Variants in MYO1E observed in about 807,000 individuals in gnomAD.
MYO1E encodes myosin IE, also known as unconventional myosin-Ie.
In MYO1E, 68 loss-of-function variants were observed where a neutral mutation model predicts 151.1. The observed-to-expected ratio is 0.45, with a 90% confidence interval of 0.37 to 0.55. The LOEUF is 0.55. Among genes scored for constraint, MYO1E ranks in the 20% least tolerant of loss-of-function variants. The pLI is 0.00. For synonymous variants in MYO1E, 601 were observed against 501.7 expected, an observed-to-expected ratio of 1.20 and a Z score of -2.64; for missense variants, 1,363 against 1,389.3, an observed-to-expected ratio of 0.98 and a Z score of 0.30.
intron 4 of MYO1E, among the ~76,000 whole-genome samples, chr15:59,244,773 A>G (rs1219369215): frequency 6.6e-6 from 1 of 152,222 alleles, no homozygotes; most frequent in Non-Finnish European, 1.5e-5. Flanking sequence ...GGACAGCAAT[A>G]CCTAGTTTGC....
chr15:59,271,564 T>C lies in MYO1E; in HGVS notation c.147+742A>G, dbSNP rs979253236. The stretch of plus-strand genomic sequence containing the variant: ...AAATATCACAGTTCCCTGTTGATAA[T>C]GAAGTCAACCCATATTTGAATCAAA... On this transcript the variant is annotated intron_variant, in intron 2 of 27. Transcript: ENST00000288235. Among the ~76,000 whole-genome samples the C allele has an allele frequency of 3.9e-5, 6 of 152,354 alleles. No individual in the cohort carries two copies. In the South Asian group the frequency reaches 1.0e-3, roughly 26 times the overall value.
At chr15:59,322,536 G>A (rs2080633483) in intron 1 of MYO1E, among the ~76,000 whole-genome samples, 1 of 152,204 alleles carries the variant, frequency 6.6e-6, no homozygotes, top group African/African-American at 2.4e-5. Flanking sequence ...TGAGTGTTTA[G>A]TCAAGTGTTT....
At chr15:59,141,975 C>T (rs1013693363) in intron 26 of MYO1E, among the ~76,000 whole-genome samples, 5 of 147,602 alleles carry the variant, frequency 3.4e-5, no homozygotes, top group Admixed American at 1.3e-4. Context: ...GGCGTGGTGG[C>T]GGGCGCTTGT....
chr15:59,151,386 C>T (rs1261956298), intron 26 of MYO1E, among the ~76,000 whole-genome samples: 2 of 152,094 alleles, frequency 1.3e-5, no homozygotes, highest in Admixed American at 1.3e-4. Context: ...GCTGAGATTG[C>T]ACCACTGCAC....
chr15:59,307,322 C>T (rs1166638178), intron 1 of MYO1E, among the ~76,000 whole-genome samples: 2 of 152,106 alleles, frequency 1.3e-5, no homozygotes, highest in East Asian at 1.9e-4. Flanking sequence ...ACCCTGGGCC[C>T]GGGGAGGATG....
At chr15:59,319,694 A>G (rs2080613935) in intron 1 of MYO1E, among the ~76,000 whole-genome samples, 1 of 151,342 alleles carries the variant, frequency 6.6e-6, no homozygotes, top group Admixed American at 6.6e-5. Flanking sequence ...ACCTGAGGTC[A>G]GGAGTTTGAG....
intron 4 of MYO1E, among the ~76,000 whole-genome samples, chr15:59,237,997 C>T (rs1189956738): frequency 6.6e-6 from 1 of 152,158 alleles, no homozygotes; most frequent in Non-Finnish European, 1.5e-5. Flanking sequence ...TCTGAACCCA[C>T]CTATGCAAGT....
At chr15:59,231,676 C>A (rs753475265) in intron 6 of MYO1E, 26 bp downstream of exon 6, 3 of 1,608,812 alleles carry the variant, frequency 1.9e-6, no homozygotes, top group Non-Finnish European at 2.6e-6. Context: ...TCAAGCGACA[C>A]TCTCTGAAAC....
intron 14 of MYO1E, 101 bp downstream of exon 14, chr15:59,208,580 T>C: frequency 7.1e-7 from 1 of 1,405,174 alleles, no homozygotes; most frequent in East Asian, 2.3e-5. Flanking sequence ...GTTTGTTGAA[T>C]CAATAAAATA....
At chr15:59,181,404 G>C (rs1410673473) in intron 18 of MYO1E, among the ~76,000 whole-genome samples, 1 of 152,236 alleles carries the variant, frequency 6.6e-6, no homozygotes, top group Admixed American at 6.5e-5. Context: ...TCAGAGAGGT[G>C]TTTTCTGGAG....
chr15:59,370,650 A>G (rs1343658654), intron 1 of MYO1E, among the ~76,000 whole-genome samples: 1 of 152,172 alleles, frequency 6.6e-6, no homozygotes, highest in African/African-American at 2.4e-5. Context: ...GCATTTGACC[A>G]ACCCTCTACT....
At chr15:59,195,199 G>GT (rs201573350) in intron 17 of MYO1E, among the ~76,000 whole-genome samples, 1,828 of 152,072 alleles carry the variant, frequency 0.012, 20 homozygotes, top group Middle Eastern at 0.02. Flanking sequence ...GTTATGTTTT[G>GT]TTTTTTTTCC....
chr15:59,277,746 A>G (rs2140386575), intron 1 of MYO1E, among the ~76,000 whole-genome samples: 1 of 152,356 alleles, frequency 6.6e-6, no homozygotes, highest in South Asian at 2.1e-4. Context: ...GCAAAGGAGT[A>G]CTTTGCAGTC....
intron 9 of MYO1E, among the ~76,000 whole-genome samples, chr15:59,222,080 T>G (rs1410275881): frequency 6.6e-6 from 1 of 152,214 alleles, no homozygotes; most frequent in African/African-American, 2.4e-5. Flanking sequence ...CTCCCTTCCC[T>G]GGTAAACATA....
At chr15:59,208,609 G>C in intron 14 of MYO1E, 72 bp downstream of exon 14, 2 of 1,552,670 alleles carry the variant, frequency 1.3e-6, no homozygotes, top group Non-Finnish European at 1.8e-6. Context: ...CATATGATTT[G>C]CTTCATGAGA....
intron 2 of MYO1E, among the ~76,000 whole-genome samples, chr15:59,267,928 T>G (rs2080266193): frequency 6.6e-6 from 1 of 152,070 alleles, no homozygotes; most frequent in South Asian, 2.1e-4. Context: ...CTAAGTGGAT[T>G]TTTTTTTCCT....
At position 59,241,384 on chromosome 15, in the gene MYO1E, T is replaced by A. The variant is rs370622248; in HGVS notation, c.333-4712A>T. 2.1e-4 allele frequency among the ~76,000 whole-genome samples: 32 copies of A among 152,020 alleles called. No homozygotes were observed. In the East Asian group the frequency reaches 2.5e-3, roughly 12 times the overall value. On this transcript the variant is annotated intron_variant, in intron 4 of 27. Transcript: ENST00000288235. ...ACAAAAGAAACAACAACTATAATAA[T>A]AAAACAAATAAAAATAAAAACAATT...
intron 26 of MYO1E, among the ~76,000 whole-genome samples, chr15:59,150,841 CAGAA>C (rs1405622673): frequency 6.6e-6 from 1 of 152,150 alleles, no homozygotes; most frequent in Non-Finnish European, 1.5e-5. Context: ...CCTACAGAAT[CAGAA>C]ACGCGGAAAG....
At chr15:59,322,192 A>AC (rs1213426270) in intron 1 of MYO1E, among the ~76,000 whole-genome samples, 2 of 151,978 alleles carry the variant, frequency 1.3e-5, no homozygotes, top group African/African-American at 2.4e-5. Context: ...AAAAAAAAAA[A>AC]AAATAGAAAG....
Sources: allele counts gnomAD v4.1 joint callset (sites outside exome capture counted in the v4.1 genomes callset), GRCh38; gene constraint gnomAD v4.1.1; transcripts MANE v1.5; gene names NCBI Gene and HGNC (gene_info 2026-07-23, HGNC 2026-07-21).